The following WNT10A variants were observed in gnomAD, a reference collection of about 807,000 sequenced individuals.
WNT10A encodes Wnt family member 10A, also known as protein Wnt-10a.
WNT10A carries 37 observed loss-of-function variants against 36.1 expected under a neutral mutation model. That is an observed-to-expected ratio of 1.02 (90% CI 0.79 to 1.35). The LOEUF (loss-of-function observed/expected upper bound fraction) is 1.35. Among genes scored for constraint, WNT10A ranks in the 40% most tolerant of loss-of-function variants. The pLI is 0.00. For synonymous variants in WNT10A, 255 were observed against 254.1 expected, an observed-to-expected ratio of 1.00 and a Z score of -0.03; for missense variants, 613 against 601.4, an observed-to-expected ratio of 1.02 and a Z score of -0.20.
intron 2 of WNT10A, among the ~76,000 whole-genome samples, 168 bp from the exon 3 acceptor site, chr2:218,889,816 G>A (rs1238171777): frequency 3.3e-5 from 5 of 152,226 alleles, no homozygotes; most frequent in Admixed American, 3.3e-4. Context: ...GTTTGCAGAA[G>A]AACTGGCTTC....
intron 2 of WNT10A, chr2:218,884,453 C>T: frequency 6.6e-6 from 1 of 152,306 alleles, no homozygotes; most frequent in Non-Finnish European, 1.5e-5. Context: ...TTCCCTTGGC[C>T]TCAGGACACT....
At chr2:218,874,341 T>C in the WNT10A span, 1 of 155,462 alleles carries the variant, frequency 6.4e-6, no homozygotes, top group Non-Finnish European at 1.4e-5. Context: ...TGGGTCCCTA[T>C]CTCCCGACCA....
chr2:218,888,627 A>G (rs931515150), intron 2 of WNT10A, among the ~76,000 whole-genome samples: 13 of 152,180 alleles, frequency 8.5e-5, no homozygotes, highest in African/African-American at 3.1e-4. Flanking sequence ...GTGGCTGGGT[A>G]GCGCCCATTT....
rs1417568758 is a variant in WNT10A at position 218,880,963 on chromosome 2, C to G, written c.-33C>G. The G allele has an allele frequency of 6.5e-7, 1 of 1,548,170 alleles. No individual in the cohort carries two copies. The highest frequency in any genetic ancestry group is 8.7e-7 in the Non-Finnish European group (1 of 1,146,286). ...TCTCCAGTCCCACTGGGCTGTGAGC[C>G]CCCCACTCCCAGCCCGTCAGGGCCT... On this transcript the variant is annotated 5_prime_UTR_variant, in exon 1 of 4. Transcript: ENST00000258411. This position sits in a 1 kb window ranked among gnomAD's most constrained non-coding sequence, Gnocchi z 7.7.
the WNT10A span, among the ~76,000 whole-genome samples, chr2:218,874,542 TG>T: frequency 2.6e-5 from 4 of 152,142 alleles, no homozygotes; most frequent in Non-Finnish European, 4.4e-5. Context: ...TGGTTCCTCT[TG>T]GGAAGCTACT....
At chr2:218,888,815 C>G (rs1248318201) in intron 2 of WNT10A, among the ~76,000 whole-genome samples, 2 of 152,244 alleles carry the variant, frequency 1.3e-5, no homozygotes, top group Non-Finnish European at 2.9e-5. Context: ...CTCTTACTTA[C>G]TCTGCTGCCC....
chr2:218,887,592 A>G (rs1944594716), intron 2 of WNT10A, among the ~76,000 whole-genome samples: 1 of 152,098 alleles, frequency 6.6e-6, no homozygotes, highest in Non-Finnish European at 1.5e-5. Flanking sequence ...GCAAAAATGT[A>G]CTGAGATGCC....
upstream of WNT10A, among the ~76,000 whole-genome samples, chr2:218,876,446 C>G (rs1376001479): frequency 6.6e-6 from 1 of 152,194 alleles, no homozygotes; most frequent in Non-Finnish European, 1.5e-5. Context: ...TAGCCTGCTT[C>G]AATCCTCAAG....
intron 3 of WNT10A, among the ~76,000 whole-genome samples, chr2:218,891,975 C>T (rs1487339567): frequency 1.3e-5 from 2 of 151,988 alleles, no homozygotes; most frequent in South Asian, 2.1e-4. Flanking sequence ...GGGTTGGGGG[C>T]GGCTGGGTTG....
intron 2 of WNT10A, among the ~76,000 whole-genome samples, chr2:218,886,996 T>C (rs1354542036): frequency 6.6e-6 from 1 of 152,184 alleles, no homozygotes; most frequent in East Asian, 1.9e-4. Flanking sequence ...CCCTTAAATG[T>C]GACAGGGCCT....
At chr2:218,880,787 AC>A, upstream of WNT10A, 2 of 497,212 alleles carry the variant, frequency 4.0e-6, no homozygotes, top group Non-Finnish European at 6.9e-6. This position sits in a 1 kb window ranked among gnomAD's most constrained non-coding sequence, Gnocchi z 7.7. Flanking sequence ...CCCGCTCTTC[AC>A]CCCCCGCCCC....
upstream of WNT10A, chr2:218,880,795 C>G: frequency 1.4e-5 from 7 of 492,786 alleles, no homozygotes; most frequent in South Asian, 1.9e-4. This position sits in a 1 kb window ranked among gnomAD's most constrained non-coding sequence, Gnocchi z 7.7. Context: ...TCACCCCCCG[C>G]CCCCCCCGAG....
chr2:218,881,167 C>T (rs1944508883), intron 1 of WNT10A, 59 bp downstream of exon 1: 1 of 1,550,016 alleles, frequency 6.5e-7, no homozygotes, highest in Middle Eastern at 1.7e-4. Flanking sequence ...CCTGCAGGGG[C>T]CTCTGATGCT....
chr2:218,885,292 G>A (rs1317634480), intron 2 of WNT10A, among the ~76,000 whole-genome samples: 1 of 152,240 alleles, frequency 6.6e-6, no homozygotes, highest in Non-Finnish European at 1.5e-5. Context: ...TGACCTTAGT[G>A]CCAATGGCAC....
Position 218,890,128 on chromosome 2 carries a change from T to A in WNT10A, c.521T>A (p.Leu174Gln). 1 of 1,614,202 alleles carries A rather than the reference T, an allele frequency of 6.2e-7. No individual in the cohort carries two copies. ...RGDEEAFRRKLHRLQLDALQR... is the reference protein window; with the variant it reads ...RGDEEAFRRKQHRLQLDALQR... ...GACGAGGAGGCCTTCCGTAGGAAGC[T>A]GCACCGCTTACAACTGGATGCACTG... Residue 174 changes from leucine to glutamine, a missense_variant, in exon 3 of 4, where the codon CTG (leucine) becomes CAG (glutamine). Physicochemically the swap from Leu to Gln is moderately radical, Grantham distance 113. Transcript: ENST00000258411.
intron 2 of WNT10A, chr2:218,883,782 G>A (rs909408430): frequency 1.4e-5 from 2 of 143,502 alleles, no homozygotes; most frequent in African/African-American, 5.1e-5. Flanking sequence ...GTCCAGAAGC[G>A]GCTGCCCGGG....
chr2:218,883,772 G>C (rs1381625806), intron 2 of WNT10A: 1 of 122,436 alleles, frequency 8.2e-6, no homozygotes, highest in Non-Finnish European at 1.7e-5. Flanking sequence ...CCCTCCAGCC[G>C]TCCAGAAGCG....
upstream of WNT10A, among the ~76,000 whole-genome samples, chr2:218,876,808 G>A (rs778730362): frequency 7.9e-5 from 12 of 152,202 alleles, no homozygotes; most frequent in Non-Finnish European, 1.8e-4. Flanking sequence ...GAGGGCATGC[G>A]GAGCCCAGCT....
Position 218,893,125 on chromosome 2 carries a change from G to A in WNT10A, c.1108G>A (p.Asp370Asn). Residue 370 changes from aspartate (D) to asparagine (N), a missense_variant, in exon 4 of 4, where the codon GAT (aspartate) becomes AAT (asparagine). Coordinates refer to ENST00000258411, the MANE Select transcript of WNT10A (RefSeq NM_025216.3). This position sits in a 1 kb window ranked among gnomAD's most constrained non-coding sequence, Gnocchi z 6.3. The stretch of plus-strand genomic sequence containing the variant: ...GTGCAACAAGAGCAGCGCCGGCTCG[G>A]ATGGCTGCGGCAGCATGTGCTGCGG... ...RLCNKSSAGS[D>N]GCGSMCCGRG... 1 of 1,594,298 alleles carries A rather than the reference G, an allele frequency of 6.3e-7. No homozygotes were observed. Among genetic ancestry groups the A allele is most frequent in the East Asian group, 2.2e-5 (1 of 44,732 alleles).
Sources: gnomAD v4.1 joint callset for allele counts (sites outside exome capture counted in the v4.1 genomes callset) on GRCh38, gnomAD v4.1.1 for gene constraint, Gnocchi (gnomAD v3.1) non-coding constraint, MANE v1.5 for transcripts, NCBI Gene and HGNC (gene_info 2026-07-23, HGNC 2026-07-21) for gene names.